TTLL5: variants seen among roughly 807,000 people sequenced by gnomAD.
The protein encoded by TTLL5 is tubulin polyglutamylase TTLL5.
A neutral mutation model predicts 168.4 loss-of-function variants in TTLL5; 132 were observed. The ratio of observed to expected loss-of-function variants is 0.78; its 90% CI spans 0.68 to 0.91. TTLL5 has a LOEUF of 0.91. TTLL5 is among the 40% of genes least tolerant of loss of function. The pLI, the probability that TTLL5 is intolerant of heterozygous loss-of-function variation, is 0.00. For missense variants in TTLL5, 1,545 were observed against 1,581.5 expected (o/e 0.98, Z 0.39); for synonymous variants, 546 against 558.6 (o/e 0.98, Z 0.32).
chr14:75,942,373 A>G (rs907750927), intron 31 of TTLL5, among the ~76,000 whole-genome samples: 2 of 152,178 alleles, frequency 1.3e-5, no homozygotes, highest in African/African-American at 4.8e-5. Flanking sequence ...TCAGTCAATC[A>G]ACTATTTACC....
chr14:75,923,112 G>A (rs1263909200), intron 31 of TTLL5, among the ~76,000 whole-genome samples: 2 of 151,974 alleles, frequency 1.3e-5, no homozygotes, highest in South Asian at 2.1e-4. Context: ...TTCTTTATTA[G>A]TCTTGCTAGC....
At chr14:75,921,225 T>C (rs2033814575) in intron 31 of TTLL5, among the ~76,000 whole-genome samples, 1 of 152,232 alleles carries the variant, frequency 6.6e-6, no homozygotes, top group Non-Finnish European at 1.5e-5. Context: ...AGCTCTTTAG[T>C]TTAATTAGAT....
intron 30 of TTLL5, among the ~76,000 whole-genome samples, chr14:75,897,740 T>C (rs934875547): frequency 6.6e-6 from 1 of 152,188 alleles, no homozygotes; most frequent in African/African-American, 2.4e-5. Context: ...CCCAAAGTGC[T>C]AGGATTACAG....
At position 75,754,993 on chromosome 14, in the gene TTLL5, G is replaced by A. The variant is rs190289035; in HGVS notation, c.1550+2038G>A. ...AAAAAAACATAATTTGGCCAGGCGC[G>A]GTGGCTCACGCCTGTAATCCCAGCA... On this transcript the variant is annotated intron_variant, in intron 18 of 31. Coordinates refer to ENST00000298832, the MANE Select transcript of TTLL5 (RefSeq NM_015072.5). Among the ~76,000 whole-genome samples the A allele has an allele frequency of 4.1e-3, 625 of 152,106 alleles. 4 individuals are homozygous for A. The highest frequency in any genetic ancestry group is 0.015 in the African/African-American group (602 of 41,510).
chr14:75,870,819 G>A (rs1479695437), intron 29 of TTLL5, among the ~76,000 whole-genome samples: 3 of 145,706 alleles, frequency 2.1e-5, no homozygotes, highest in South Asian at 4.3e-4. Flanking sequence ...TTTTTGAGAC[G>A]GAGTCTTGCT....
intron 12 of TTLL5, among the ~76,000 whole-genome samples, chr14:75,721,930 T>G (rs1041719702): frequency 2.6e-5 from 4 of 152,204 alleles, no homozygotes; most frequent in Admixed American, 1.3e-4. Flanking sequence ...AAGAAGAGGT[T>G]GTAATATATT....
chr14:75,902,210 T>G lies in TTLL5; in HGVS notation c.3809T>G (p.Ile1270Ser). The G allele has an allele frequency of 6.2e-7, 1 of 1,614,176 alleles. No homozygotes were observed. Among genetic ancestry groups the G allele is most frequent in the Non-Finnish European group, 8.5e-7 (1 of 1,180,010 alleles). ...SSLNPAAFVP[I>S]TSSTDPAHTK... is the part of the protein sequence containing the mutation. ...CTTAACCCTGCAGCCTTTGTGCCCATCACCAGCTCTACAGGTTAGTGGGCA... is the reference window on the plus strand; with the variant it reads ...CTTAACCCTGCAGCCTTTGTGCCCAGCACCAGCTCTACAGGTTAGTGGGCA... The change falls in exon 31 of 32, where the codon ATC (isoleucine) becomes AGC (serine). Residue 1270 changes from isoleucine (I) to serine (S), a missense_variant. Transcript: ENST00000298832.
chr14:75,662,643 A>G (rs1890820863), intron 1 of TTLL5, among the ~76,000 whole-genome samples: 1 of 152,058 alleles, frequency 6.6e-6, no homozygotes, highest in African/African-American at 2.4e-5. Flanking sequence ...CCGGCCTGCA[A>G]GGGTCTTAAA....
chr14:75,760,920 T>C (rs557118897), intron 18 of TTLL5, among the ~76,000 whole-genome samples: 1 of 152,184 alleles, frequency 6.6e-6, no homozygotes, highest in East Asian at 1.9e-4. Context: ...AAAACTTCAT[T>C]ATAAGATACT....
intron 27 of TTLL5, among the ~76,000 whole-genome samples, chr14:75,800,202 T>C (rs138899023): frequency 6.6e-6 from 1 of 152,336 alleles, no homozygotes; most frequent in East Asian, 1.9e-4. Flanking sequence ...ATTGGGTTAA[T>C]CAAAAGCCTT....
chr14:75,943,463 C>T (rs907369047), intron 31 of TTLL5, among the ~76,000 whole-genome samples: 1 of 152,108 alleles, frequency 6.6e-6, no homozygotes, highest in Non-Finnish European at 1.5e-5. Flanking sequence ...GAAGGGGAAT[C>T]TCCCCTGGTA....
chr14:75,843,126 G>C (rs1054239008), intron 28 of TTLL5, among the ~76,000 whole-genome samples: 1 of 152,198 alleles, frequency 6.6e-6, no homozygotes, highest in African/African-American at 2.4e-5. Flanking sequence ...CTTGAAAGGA[G>C]TTGAGAACCT....
intron 31 of TTLL5, among the ~76,000 whole-genome samples, chr14:75,909,992 C>A (rs1263193274): frequency 6.6e-6 from 1 of 152,112 alleles, no homozygotes; most frequent in African/African-American, 2.4e-5. Flanking sequence ...GACAGCCTGG[C>A]TTTTAGTTTG....
intron 28 of TTLL5, among the ~76,000 whole-genome samples, chr14:75,842,749 G>A (rs752435661): frequency 3.9e-5 from 6 of 152,152 alleles, no homozygotes; most frequent in African/African-American, 7.2e-5. Context: ...GATTATTCAC[G>A]GTAATGGGAA....
chr14:75,907,965 TTATAA>T (rs557325196), intron 31 of TTLL5, among the ~76,000 whole-genome samples: 462 of 152,356 alleles, frequency 3.0e-3, no homozygotes, highest in Non-Finnish European at 5.0e-3. Context: ...CCTGCCACAG[TTATAA>T]TATCACTTTC....
chr14:75,771,615 C>T, intron 20 of TTLL5, 119 bp from the exon 21 acceptor site: 1 of 1,421,470 alleles, frequency 7.0e-7, no homozygotes, highest in Non-Finnish European at 9.6e-7. Context: ...AGATGGGTTT[C>T]ATATTTCTTA....
chr14:75,739,916 T>A (rs554832007), intron 15 of TTLL5, among the ~76,000 whole-genome samples: 3 of 152,372 alleles, frequency 2.0e-5, no homozygotes, highest in African/African-American at 4.8e-5. Context: ...CACCTGTTTG[T>A]AGTCATGTTT....
chr14:75,763,831 C>T (rs530203049), intron 18 of TTLL5, among the ~76,000 whole-genome samples: 48 of 152,286 alleles, frequency 3.2e-4, no homozygotes, highest in African/African-American at 1.1e-3. Context: ...TTCCACATCC[C>T]ATTTCTCATT....
chr14:75,933,982 A>G (rs947865300), intron 31 of TTLL5, among the ~76,000 whole-genome samples: 5 of 152,194 alleles, frequency 3.3e-5, no homozygotes, highest in African/African-American at 7.2e-5. Context: ...TTGAGCCTCC[A>G]CAACTGTGAG....
Sources: gnomAD v4.1 joint callset for allele counts (sites outside exome capture counted in the v4.1 genomes callset) on GRCh38, gnomAD v4.1.1 for gene constraint, MANE v1.5 for transcripts, NCBI Gene and HGNC (gene_info 2026-07-23, HGNC 2026-07-21) for gene names.